The following IQCH variants were observed in gnomAD, a reference collection of about 807,000 sequenced individuals.
The protein encoded by IQCH is IQ motif containing H, also known as IQ domain-containing protein H.
IQCH carries 98 observed loss-of-function variants against 117.0 expected under a neutral mutation model. The ratio of observed to expected loss-of-function variants is 0.84; its 90% CI spans 0.71 to 0.99. The LOEUF (loss-of-function observed/expected upper bound fraction) is 0.99. IQCH is among the 50% of genes least tolerant of loss of function. The pLI is 0.00. For synonymous variants in IQCH, 412 were observed against 448.2 expected (o/e 0.92, Z 1.02); for missense variants, 1,102 against 1,243.8 (o/e 0.89, Z 1.72).
rs2081784961 is a variant in IQCH at position 67,422,899 on chromosome 15, T to C, written c.2505+1322T>C. On this transcript the variant is annotated intron_variant, in intron 16 of 20. Coordinates refer to ENST00000335894, the MANE Select transcript of IQCH (RefSeq NM_001031715.3). The surrounding 1 kb of genome is among the most constrained non-coding windows in gnomAD (Gnocchi z 4.7). The stretch of plus-strand genomic sequence containing the variant: ...TAAAGGGCGAAATGACCTCCTGGCC[T>C]TCCTCTCTCGATATCGCGATATCCT... Among the ~76,000 whole-genome samples the C allele has an allele frequency of 6.6e-6, 1 of 152,224 alleles. No individual in the cohort carries two copies. Among genetic ancestry groups the C allele is most frequent in the South Asian group, 2.1e-4 (1 of 4,824 alleles).
At chr15:67,286,143 A>AT (rs1284468016) in intron 4 of IQCH, among the ~76,000 whole-genome samples, 4 of 151,716 alleles carry the variant, frequency 2.6e-5, no homozygotes, top group African/African-American at 9.7e-5. Flanking sequence ...CATTGTAGAG[A>AT]TTTTTTACAT....
At chr15:67,273,934 A>G (rs1265305797) in intron 3 of IQCH, among the ~76,000 whole-genome samples, 1 of 152,228 alleles carries the variant, frequency 6.6e-6, no homozygotes, top group Non-Finnish European at 1.5e-5. Context: ...CCTCTGATGG[A>G]TACAGTATTC....
rs1430143683 is a variant in IQCH, at chr15:67,366,498, A to G, written c.754-5613A>G. ...AGGATGGGGATTTTTCTCCTCAGGA[A>G]GTGTTTCAGAGTTCAGGAAGACTCA... On this transcript the variant is annotated intron_variant, in intron 8 of 20. Transcript: ENST00000335894. The surrounding 1 kb of genome is among the most constrained non-coding windows in gnomAD (Gnocchi z 4.4). 6.6e-6 allele frequency among the ~76,000 whole-genome samples: 1 copy of G among 152,212 alleles called. No homozygotes were observed. Among genetic ancestry groups the G allele is most frequent in the Non-Finnish European group, 1.5e-5 (1 of 68,016 alleles).
Position 67,417,232 on chromosome 15 carries a change from A to G in IQCH, c.2218+181A>G, listed in dbSNP as rs2081600232. 6.6e-6 allele frequency among the ~76,000 whole-genome samples: 1 copy of G among 152,172 alleles called. No individual in the cohort carries two copies. Among genetic ancestry groups the G allele is most frequent in the African/African-American group, 2.4e-5 (1 of 41,432 alleles). On this transcript the variant is annotated intron_variant, in intron 15 of 20. Transcript: ENST00000335894. The surrounding 1 kb of genome is among the most constrained non-coding windows in gnomAD (Gnocchi z 4.3). Reference sequence around the variant, plus strand: ...TTATCTTACACCCAGCCTCTTAAGTAAATAAGAACCTAGCATGCCAAGCAT... The same window carrying G: ...TTATCTTACACCCAGCCTCTTAAGTGAATAAGAACCTAGCATGCCAAGCAT...
At chr15:67,409,301 A>G (rs887199191) in intron 14 of IQCH, among the ~76,000 whole-genome samples, 17 of 152,176 alleles carry the variant, frequency 1.1e-4, no homozygotes, top group Admixed American at 4.6e-4. Context: ...ATCTTTATCT[A>G]TTGAAACCCC....
chr15:67,462,864 A>T (rs1022037310), intron 16 of IQCH, among the ~76,000 whole-genome samples: 6 of 152,218 alleles, frequency 3.9e-5, no homozygotes, highest in African/African-American at 1.4e-4. Flanking sequence ...CATCTGATTT[A>T]CATTTCATGC....
rs565037186 is a variant in IQCH at position 67,390,805 on chromosome 15, T to A, written c.1632+1799T>A. On this transcript the variant is annotated intron_variant, in intron 12 of 20. Coordinates refer to ENST00000335894, the MANE Select transcript of IQCH (RefSeq NM_001031715.3). The surrounding 1 kb of genome is among the most constrained non-coding windows in gnomAD (Gnocchi z 5.0). ...CGCCCAGCCCAGTTTCTCATTTGAT[T>A]CTCAGAAGAATGCATCAAGATGGAA... Among the ~76,000 whole-genome samples, 32 of 152,284 alleles carry A rather than the reference T, an allele frequency of 2.1e-4. No individual in the cohort carries two copies. Among genetic ancestry groups the A allele is most frequent in the African/African-American group, 7.0e-4 (29 of 41,584 alleles).
At chr15:67,478,103 G>A (rs759181945) in intron 18 of IQCH, among the ~76,000 whole-genome samples, 9 of 152,204 alleles carry the variant, frequency 5.9e-5, no homozygotes, top group Non-Finnish European at 1.3e-4. Context: ...GGCAGACAGA[G>A]GCTGGGCACG....
chr15:67,486,038 C>CTT (rs55963427), intron 18 of IQCH, among the ~76,000 whole-genome samples: 1,202 of 106,320 alleles, frequency 0.011, 29 homozygotes, highest in African/African-American at 0.018. Flanking sequence ...GCTAAGTTTT[C>CTT]TTTTTTTTTT....
In IQCH at chr15:67,385,069, G is replaced by A; in HGVS notation, c.1456+50G>A. The A allele has an allele frequency of 9.0e-7, 1 of 1,106,814 alleles. No individual in the cohort carries two copies. The highest frequency in any genetic ancestry group is 1.3e-5 in the South Asian group (1 of 77,334). The allele number at this position is 1,106,814 out of a possible 1,614,324, so 68.6% of individuals were successfully genotyped here. A position where few individuals can be genotyped will look rare whatever the true frequency, so the allele number is the denominator to read the frequency against. On this transcript the variant is annotated intron_variant, in intron 11 of 20. Coordinates refer to ENST00000335894, the MANE Select transcript of IQCH (RefSeq NM_001031715.3). This position sits in a 1 kb window ranked among gnomAD's most constrained non-coding sequence, Gnocchi z 4.6. ...TGACTCTTTGGAATGTTTATCAGTG[G>A]ATGTTGATAGAATGTGTTGTTTTGT...
chr15:67,419,842 T>A (rs1445287524), intron 15 of IQCH, among the ~76,000 whole-genome samples: 1 of 152,210 alleles, frequency 6.6e-6, no homozygotes, highest in Non-Finnish European at 1.5e-5. Context: ...AAGGTTGTGG[T>A]CATGATGCTG....
Position 67,490,334 on chromosome 15 carries a change from T to C in IQCH, c.2861+270T>C, listed in dbSNP as rs1171755499. 1.3e-5 allele frequency among the ~76,000 whole-genome samples: 2 copies of C among 152,146 alleles called. No homozygotes were observed. The highest frequency in any genetic ancestry group is 2.9e-5 in the Non-Finnish European group (2 of 68,020). On this transcript the variant is annotated intron_variant, in intron 19 of 20. Transcript: ENST00000335894. This position sits in a 1 kb window ranked among gnomAD's most constrained non-coding sequence, Gnocchi z 4.9. ...GATTCTCCTGCCTCAGCCTCCCAAGTAGCTGGGATTACAGGTGCGTGCCAC... is the reference window on the plus strand; with the variant it reads ...GATTCTCCTGCCTCAGCCTCCCAAGCAGCTGGGATTACAGGTGCGTGCCAC...
intron 16 of IQCH, among the ~76,000 whole-genome samples, chr15:67,450,850 T>C: frequency 6.6e-6 from 1 of 152,234 alleles, no homozygotes; most frequent in East Asian, 1.9e-4. Flanking sequence ...ATCCATCTGG[T>C]CCTGGACTTT....
At chr15:67,373,844 G>A (rs188014157) in intron 10 of IQCH, 5 of 239,668 alleles carry the variant, frequency 2.1e-5, no homozygotes, top group Non-Finnish European at 3.2e-5. Context: ...CAAATGTGCA[G>A]TCAAAATGAT....
Position 67,475,256 on chromosome 15 carries a change from C to A in IQCH, c.2677-440C>A, listed in dbSNP as rs113086041. Among the ~76,000 whole-genome samples the A allele has an allele frequency of 2.3e-3, 351 of 152,248 alleles. 1 individual carries two copies. Among genetic ancestry groups the A allele is most frequent in the African/African-American group, 8.3e-3 (343 of 41,544 alleles). ...TTTTGGGAGGCCGAGGCTGGCAGATCGCTTGAGCTAGGAGTTCAAGACCAG... is the reference window on the plus strand; with the variant it reads ...TTTTGGGAGGCCGAGGCTGGCAGATAGCTTGAGCTAGGAGTTCAAGACCAG... On this transcript the variant is annotated intron_variant, in intron 17 of 20. Coordinates refer to ENST00000335894, the MANE Select transcript of IQCH (RefSeq NM_001031715.3). This position sits in a 1 kb window ranked among gnomAD's most constrained non-coding sequence, Gnocchi z 5.7.
intron 3 of IQCH, among the ~76,000 whole-genome samples, chr15:67,277,530 C>CT (rs574311972): frequency 0.015 from 1,873 of 128,790 alleles, 50 homozygotes; most frequent in African/African-American, 0.044. Context: ...CCTCCAGTAT[C>CT]TTTTTTTTTT....
At position 67,475,793 on chromosome 15, in the gene IQCH, C is replaced by A. The variant is rs1024217413; in HGVS notation, c.2774C>A (p.Ala925Asp). 1.9e-6 allele frequency: 3 copies of A among 1,613,982 alleles called. No individual in the cohort carries two copies. Among genetic ancestry groups the A allele is most frequent in the African/African-American group, 1.3e-5 (1 of 74,930 alleles). ...FHYVFLQICR[A>D]HGIGYDVEER... The stretch of plus-strand genomic sequence containing the variant: ...TATGTTTTTCTCCAGATCTGTAGGG[C>A]CCATGGCATTGGCTATGATGTTGAG... Residue 925 changes from alanine to aspartate, a missense_variant, in exon 18 of 21, where the codon GCC becomes GAC. Ala to Asp is a moderately radical substitution (Grantham distance 126, BLOSUM62 -2). Around this residue, in one of 2 missense-constraint regions of IQCH, gnomAD observed 650 missense variants for 794.3 expected, o/e 0.82. Coordinates refer to ENST00000335894, the MANE Select transcript of IQCH (RefSeq NM_001031715.3). The surrounding 1 kb of genome is among the most constrained non-coding windows in gnomAD (Gnocchi z 5.7).
chr15:67,259,251 G>C (rs1478112764), intron 1 of IQCH, among the ~76,000 whole-genome samples: 1 of 152,156 alleles, frequency 6.6e-6, no homozygotes, highest in Non-Finnish European at 1.5e-5. Context: ...AAGCCTCTAA[G>C]AGGCTACATA....
In IQCH at chr15:67,500,937, C is replaced by G; in HGVS notation, c.*191C>G. 1 of 380,386 alleles carries G rather than the reference C, an allele frequency of 2.6e-6. No individual in the cohort carries two copies. Among genetic ancestry groups the G allele is most frequent in the Admixed American group, 4.4e-5 (1 of 22,738 alleles). 23.6% of individuals were successfully genotyped at this position (380,386 alleles called of 1,614,324 possible). A position where few individuals can be genotyped will look rare whatever the true frequency, so the allele number is the denominator to read the frequency against. On this transcript the variant is annotated 3_prime_UTR_variant, in exon 21 of 21. Coordinates refer to ENST00000335894, the MANE Select transcript of IQCH (RefSeq NM_001031715.3). This position sits in a 1 kb window ranked among gnomAD's most constrained non-coding sequence, Gnocchi z 4.4. ...AGTGATCTTATTTTATTTATTAAAC[C>G]AAAACTTATTTGTGTTTTCATTTGA...
Sources: allele counts gnomAD v4.1 joint callset (sites outside exome capture counted in the v4.1 genomes callset), GRCh38; gene constraint gnomAD v4.1.1; regional missense constraint gnomAD v4.1.1; non-coding constraint Gnocchi (gnomAD v3.1); transcripts MANE v1.5; gene names NCBI Gene and HGNC (gene_info 2026-07-23, HGNC 2026-07-21).